Variants in FCHSD2 observed in about 807,000 individuals in gnomAD.
The protein encoded by FCHSD2 is FCH and double SH3 domains 2.
In FCHSD2, 38 loss-of-function variants were observed where a neutral mutation model predicts 108.1. The ratio of observed to expected loss-of-function variants is 0.35; its 90% CI spans 0.27 to 0.46. The LOEUF (loss-of-function observed/expected upper bound fraction) is 0.46, where lower values mean the gene tolerates loss of function less well. Among genes scored for constraint, FCHSD2 ranks in the 20% least tolerant of loss-of-function variants. The probability of loss-of-function intolerance (pLI) is 1.00; values close to 1 mark genes in which losing one functional copy is unlikely to be tolerated. For synonymous variants in FCHSD2, 279 were observed against 314.7 expected (o/e 0.89, Z 1.20); for missense variants, 751 against 897.8 (o/e 0.84, Z 2.09).
At chr11:73,007,057 T>C (rs1374622739) in intron 4 of FCHSD2, among the ~76,000 whole-genome samples, 2 of 152,230 alleles carry the variant, frequency 1.3e-5, no homozygotes, top group Non-Finnish European at 2.9e-5. Context: ...TCATCTACTA[T>C]TTTTGTCTCC....
At chr11:73,119,472 G>A (rs558698663) in intron 2 of FCHSD2, among the ~76,000 whole-genome samples, 62 of 152,254 alleles carry the variant, frequency 4.1e-4, no homozygotes, top group African/African-American at 1.4e-3. Flanking sequence ...TGACAGATTT[G>A]TTTTTTAATA....
At chr11:73,079,008 C>T (rs1372082943) in intron 3 of FCHSD2, among the ~76,000 whole-genome samples, 3 of 151,902 alleles carry the variant, frequency 2.0e-5, no homozygotes, top group Non-Finnish European at 4.4e-5. Context: ...CGTGCGCTAC[C>T]GCACCTGGCC....
intron 4 of FCHSD2, among the ~76,000 whole-genome samples, chr11:73,001,531 G>C (rs1857625510): frequency 6.6e-6 from 1 of 152,152 alleles, no homozygotes; most frequent in Non-Finnish European, 1.5e-5. Flanking sequence ...GAGGCCCAGA[G>C]AGATTTTAGA....
At chr11:72,895,054 G>A (rs1373834496) in intron 10 of FCHSD2, among the ~76,000 whole-genome samples, 1 of 152,124 alleles carries the variant, frequency 6.6e-6, no homozygotes, top group Non-Finnish European at 1.5e-5. Context: ...GAAGAGGAGT[G>A]GAACAGTGCC....
At chr11:73,064,318 C>T (rs993305571) in intron 3 of FCHSD2, among the ~76,000 whole-genome samples, 8 of 152,000 alleles carry the variant, frequency 5.3e-5, no homozygotes, top group Non-Finnish European at 8.8e-5. Flanking sequence ...GCACTAAATG[C>T]CCACAAAAGA....
At chr11:73,051,246 T>C (rs1033411780) in intron 3 of FCHSD2, among the ~76,000 whole-genome samples, 4 of 152,214 alleles carry the variant, frequency 2.6e-5, no homozygotes, top group African/African-American at 7.2e-5. Context: ...ACCCAGGGGA[T>C]TGAGGCTACG....
chr11:72,900,206 T>C, intron 10 of FCHSD2: 1 of 1,325,292 alleles, frequency 7.5e-7, no homozygotes, highest in Non-Finnish European at 1.1e-6. Context: ...TTCATTAACA[T>C]GCAAACCCAC....
intron 3 of FCHSD2, among the ~76,000 whole-genome samples, chr11:73,057,539 G>A (rs188507295): frequency 6.6e-6 from 1 of 152,256 alleles, no homozygotes; most frequent in Non-Finnish European, 1.5e-5. Flanking sequence ...AAGGGAAGAA[G>A]AGAGGAAGGG....
At chr11:73,131,737 A>T (rs946636444) in intron 2 of FCHSD2, among the ~76,000 whole-genome samples, 1 of 152,062 alleles carries the variant, frequency 6.6e-6, no homozygotes, top group Non-Finnish European at 1.5e-5. Context: ...TTTAAAAAAT[A>T]AGAACACCAT....
intron 2 of FCHSD2, among the ~76,000 whole-genome samples, chr11:73,126,099 T>C (rs1860848754): frequency 6.6e-6 from 1 of 151,914 alleles, no homozygotes; most frequent in South Asian, 2.1e-4. Flanking sequence ...CCCAGCACTT[T>C]GGGAGGCCGA....
chr11:72,940,430 T>C (rs1856392028), intron 8 of FCHSD2: 2 of 614,918 alleles, frequency 3.3e-6, no homozygotes, highest in Non-Finnish European at 5.8e-6. Context: ...GTTAGTATAA[T>C]ATGTGGCAAT....
Position 72,845,464 on chromosome 11 carries a change from AC to A in FCHSD2, c.1444-1933del, listed in dbSNP as rs1486053345. On this transcript the variant is annotated intron_variant, in intron 14 of 19. Transcript: ENST00000409418. ...AAAAAAAAAAAAAAAAAAAAAAACAACAACAAACAAACAAAAACCATGGAGG... is the reference window on the plus strand; with the variant it reads ...AAAAAAAAAAAAAAAAAAAAAAACAAAACAAACAAACAAAAACCATGGAGG... Among the ~76,000 whole-genome samples, 25 of 140,096 alleles carry A rather than the reference AC, an allele frequency of 1.8e-4. 1 individual carries two copies. The highest frequency in any genetic ancestry group is 6.3e-4 in the African/African-American group (24 of 38,368). The allele number at this position is 140,096 out of a possible 152,430, so 91.9% of individuals were successfully genotyped here. A position where few individuals can be genotyped will look rare whatever the true frequency, so the allele number is the denominator to read the frequency against.
At chr11:72,976,979 G>C (rs1857116213) in intron 8 of FCHSD2, among the ~76,000 whole-genome samples, 1 of 151,140 alleles carries the variant, frequency 6.6e-6, no homozygotes, top group African/African-American at 2.4e-5. Context: ...AGGCTGGAGT[G>C]CAGTGGCATG....
chr11:72,988,265 A>G (rs1403606727), intron 6 of FCHSD2, among the ~76,000 whole-genome samples: 2 of 152,180 alleles, frequency 1.3e-5, no homozygotes, highest in African/African-American at 4.8e-5. Flanking sequence ...GTTATACAAC[A>G]TGCTTTTTCT....
At chr11:73,006,240 C>T (rs72982850) in intron 4 of FCHSD2, among the ~76,000 whole-genome samples, 34,079 of 152,002 alleles carry the variant, frequency 0.22, 4,600 homozygotes, top group Middle Eastern at 0.37. Flanking sequence ...GCCCAGACAC[C>T]TTCCCTAAAC....
At chr11:72,984,291 G>C (rs1308884380) in intron 7 of FCHSD2, 75 bp from the exon 8 acceptor site, 11 of 1,416,540 alleles carry the variant, frequency 7.8e-6, no homozygotes, top group Non-Finnish European at 7.9e-6. Context: ...CCTACTCTTA[G>C]TTTGCAATTA....
rs759544589 is a variant in FCHSD2, at chr11:72,838,803, G to A, written c.2211C>T (p.Ile737=). The A allele has an allele frequency of 6.2e-6, 10 of 1,603,680 alleles. No individual in the cohort carries two copies. In the South Asian group the frequency reaches 1.1e-4, roughly 18 times the overall value. ...RPAEKIEDVE[I]TLV The stretch of plus-strand genomic sequence containing the variant: ...GGCAAGCCCATCATCACACCAGTGT[G>A]ATTTCCACATCTTCAATCTTCTCTG... Residue 737 remains isoleucine, a synonymous_variant, in exon 20 of 20, where the codon ATC becomes ATT. Transcript: ENST00000409418.
chr11:72,936,011 T>C (rs954327525), intron 8 of FCHSD2, among the ~76,000 whole-genome samples: 2 of 152,220 alleles, frequency 1.3e-5, no homozygotes, highest in Non-Finnish European at 2.9e-5. Context: ...TAGGTTGCCA[T>C]CTCAAAACAT....
chr11:72,904,409 T>C (rs1440985571), intron 9 of FCHSD2, among the ~76,000 whole-genome samples: 2 of 152,220 alleles, frequency 1.3e-5, no homozygotes, highest in African/African-American at 4.8e-5. Context: ...CTCTTTGTTA[T>C]GGAAAATTTC....
Sources: gnomAD v4.1 joint callset for allele counts (sites outside exome capture counted in the v4.1 genomes callset) on GRCh38, gnomAD v4.1.1 for gene constraint, MANE v1.5 for transcripts, NCBI Gene and HGNC (gene_info 2026-07-23, HGNC 2026-07-21) for gene names.